Variants in SPMIP3 observed in about 807,000 individuals in gnomAD.
SPMIP3 encodes protein SPMIP3.
the SPMIP3 span, among the ~76,000 whole-genome samples, chr1:244,385,891 C>T: frequency 4.6e-5 from 7 of 151,952 alleles, no homozygotes; most frequent in East Asian, 1.9e-4. Flanking sequence ...TGGCCAGGTG[C>T]GGTGGCTCAC....
chr1:244,389,070 C>T, the SPMIP3 span: 1 of 1,605,074 alleles, frequency 6.2e-7, no homozygotes, highest in Admixed American at 1.7e-5. Flanking sequence ...ACTAAAATAA[C>T]CACGGCATTC....
chr1:244,353,670 C>A, the SPMIP3 span, among the ~76,000 whole-genome samples: 1 of 152,068 alleles, frequency 6.6e-6, no homozygotes, highest in African/African-American at 2.4e-5. Context: ...GAACAAAGCC[C>A]TGAAGAATGG....
At chr1:244,378,192 C>G in the SPMIP3 span, among the ~76,000 whole-genome samples, 4 of 152,128 alleles carry the variant, frequency 2.6e-5, no homozygotes, top group Non-Finnish European at 5.9e-5. Context: ...CGGGGAGTGG[C>G]TGTGCACGGG....
At chr1:244,363,207 A>G in the SPMIP3 span, among the ~76,000 whole-genome samples, 11 of 152,040 alleles carry the variant, frequency 7.2e-5, no homozygotes, top group Non-Finnish European at 1.2e-4. Context: ...GGAGTACAAG[A>G]CCAGCCTGGC....
chr1:244,372,528 C>T, the SPMIP3 span, among the ~76,000 whole-genome samples: 1 of 151,988 alleles, frequency 6.6e-6, no homozygotes, highest in Admixed American at 6.6e-5. Flanking sequence ...ACTGCAAGCC[C>T]CACCTTCCAG....
the SPMIP3 span, among the ~76,000 whole-genome samples, chr1:244,365,325 C>T: frequency 6.6e-6 from 1 of 152,128 alleles, no homozygotes; most frequent in African/African-American, 2.4e-5. Context: ...GTGGGAGGGA[C>T]CTGGTGGGAG....
chr1:244,386,673 G>C, the SPMIP3 span, among the ~76,000 whole-genome samples: 1 of 152,162 alleles, frequency 6.6e-6, no homozygotes, highest in African/African-American at 2.4e-5. Context: ...TGTGGTTGCT[G>C]ACTACAGACA....
the SPMIP3 span, among the ~76,000 whole-genome samples, chr1:244,362,947 G>A: frequency 3.4e-5 from 5 of 148,536 alleles, no homozygotes; most frequent in Non-Finnish European, 5.9e-5. Context: ...GGGCTCAAGC[G>A]ATCCTCCCGC....
the SPMIP3 span, among the ~76,000 whole-genome samples, chr1:244,355,368 T>C: frequency 1.3e-5 from 2 of 152,094 alleles, no homozygotes; most frequent in Non-Finnish European, 2.9e-5. Context: ...CATTTCCAAA[T>C]AAATTTTATT....
chr1:244,361,613 C>T, the SPMIP3 span, among the ~76,000 whole-genome samples: 1 of 152,138 alleles, frequency 6.6e-6, no homozygotes, highest in Admixed American at 6.6e-5. Flanking sequence ...GTGATGGACA[C>T]CCGCATTACC....
At chr1:244,369,293 T>C in the SPMIP3 span, among the ~76,000 whole-genome samples, 2 of 152,342 alleles carry the variant, frequency 1.3e-5, no homozygotes, top group African/African-American at 4.8e-5. Flanking sequence ...AAAGATCACT[T>C]TAAGTGGATT....
the SPMIP3 span, among the ~76,000 whole-genome samples, chr1:244,377,028 G>A: frequency 3.3e-5 from 5 of 151,848 alleles, no homozygotes; most frequent in African/African-American, 1.2e-4. Context: ...GGGTGGTCTC[G>A]AACTCCTGAC....
chr1:244,385,140 G>A, the SPMIP3 span, among the ~76,000 whole-genome samples: 1 of 152,038 alleles, frequency 6.6e-6, no homozygotes, highest in South Asian at 2.1e-4. Context: ...TGATCCACCC[G>A]CCTCGGCTCC....
chr1:244,355,885 T>A, the SPMIP3 span, among the ~76,000 whole-genome samples: 1 of 152,256 alleles, frequency 6.6e-6, no homozygotes, highest in Non-Finnish European at 1.5e-5. Context: ...ATCCTGTATA[T>A]GTGTTGTTCG....
the SPMIP3 span, among the ~76,000 whole-genome samples, chr1:244,383,630 A>C: frequency 6.6e-6 from 1 of 152,230 alleles, no homozygotes; most frequent in Non-Finnish European, 1.5e-5. Context: ...ATGAGCCAAG[A>C]GCTGAAGGAT....
the SPMIP3 span, among the ~76,000 whole-genome samples, chr1:244,371,918 G>T: frequency 6.6e-6 from 1 of 152,100 alleles, no homozygotes. Context: ...ACCATCCAGG[G>T]CTCAGTCATA....
At chr1:244,373,025 C>T in the SPMIP3 span, among the ~76,000 whole-genome samples, 7 of 152,084 alleles carry the variant, frequency 4.6e-5, no homozygotes, top group East Asian at 1.4e-3. Context: ...TCGTCATGTC[C>T]CACATAAAGC....
the SPMIP3 span, among the ~76,000 whole-genome samples, chr1:244,373,333 TA>T: frequency 0.02 from 1,495 of 73,496 alleles, 224 homozygotes; most frequent in African/African-American, 0.095. Flanking sequence ...AAAAAAAAAT[TA>T]TATATATATA....
chr1:244,355,369 A>C, the SPMIP3 span, among the ~76,000 whole-genome samples: 2 of 151,960 alleles, frequency 1.3e-5, no homozygotes, highest in Non-Finnish European at 2.9e-5. Flanking sequence ...ATTTCCAAAT[A>C]AATTTTATTC....
Sources: gnomAD v4.1 joint callset for allele counts (sites outside exome capture counted in the v4.1 genomes callset) on GRCh38, gnomAD v4.1.1 for gene constraint, MANE v1.5 for transcripts, NCBI Gene and HGNC (gene_info 2026-07-23, HGNC 2026-07-21) for gene names.